Variants in TMEM207 observed in about 807,000 individuals in gnomAD.
The protein encoded by TMEM207 is transmembrane protein 207.
A neutral mutation model predicts 17.4 loss-of-function variants in TMEM207; 15 were observed. The observed-to-expected ratio is 0.86, with a 90% confidence interval of 0.58 to 1.33. TMEM207 has a LOEUF of 1.33. Ranked by LOEUF, TMEM207 falls within the 40% of genes most tolerant of loss-of-function variation. The probability of loss-of-function intolerance (pLI) is 0.00; values close to 1 mark genes in which losing one functional copy is unlikely to be tolerated. For missense variants in TMEM207, 205 were observed against 173.8 expected (o/e 1.18, Z -1.01); for synonymous variants, 70 against 65.6 (o/e 1.07, Z -0.33).
intron 2 of TMEM207, among the ~76,000 whole-genome samples, chr3:190,441,784 CTT>C (rs1035897694): frequency 2.6e-5 from 4 of 152,182 alleles, no homozygotes; most frequent in Admixed American, 1.3e-4. Context: ...AAGGCAGTGA[CTT>C]AACTCTTCAG....
rs1720081965 is a variant in TMEM207, at chr3:190,447,780, G to C, written c.113+10C>G. On this transcript the variant is annotated intron_variant, in intron 2 of 4. Coordinates refer to ENST00000354905, the MANE Select transcript of TMEM207 (RefSeq NM_207316.3). The stretch of plus-strand genomic sequence containing the variant: ...AAATAAAAACATGGAGTTTTTCGCT[G>C]TTTACTTACATTTCATCTTCTTCGC... 1 of 1,610,848 alleles carries C rather than the reference G, an allele frequency of 6.2e-7. No individual in the cohort carries two copies.
chr3:190,433,190 C>A (rs1719726589), intron 4 of TMEM207, among the ~76,000 whole-genome samples: 1 of 152,092 alleles, frequency 6.6e-6, no homozygotes, highest in African/African-American at 2.4e-5. Context: ...TCTATTTGTC[C>A]TTTTCTCACC....
chr3:190,441,591 C>T, intron 2 of TMEM207, 109 bp from the exon 3 acceptor site: 1 of 815,668 alleles, frequency 1.2e-6, no homozygotes, highest in Non-Finnish European at 2.0e-6. Context: ...GAACAGTCAC[C>T]TACATATTCC....
intron 4 of TMEM207, 44 bp from the exon 5 acceptor site, chr3:190,429,775 T>C: frequency 6.5e-7 from 1 of 1,540,924 alleles, no homozygotes; most frequent in Non-Finnish European, 8.7e-7. Context: ...CTAGTGAGCA[T>C]AAAACATAAG....
At chr3:190,441,919 T>G (rs1310125706) in intron 2 of TMEM207, among the ~76,000 whole-genome samples, 1 of 152,170 alleles carries the variant, frequency 6.6e-6, no homozygotes. Context: ...TGGTAGAGAA[T>G]AGGAGGCATT....
intron 4 of TMEM207, among the ~76,000 whole-genome samples, chr3:190,439,163 C>A (rs139909116): frequency 0.01 from 1,276 of 124,214 alleles, 8 homozygotes; most frequent in African/African-American, 0.038. Context: ...GGCGACAGAG[C>A]GAGACTCCGT....
rs1315626884 is a variant in TMEM207, at chr3:190,428,707, AGATCATATGTCATCTGTG to A, written c.*870_*887del. 1 of 152,170 alleles carries A rather than the reference AGATCATATGTCATCTGTG, an allele frequency of 6.6e-6. No homozygotes were observed. The highest frequency in any genetic ancestry group is 1.5e-5 in the Non-Finnish European group (1 of 68,024). 9.4% of individuals were successfully genotyped at this position (152,170 alleles called of 1,614,324 possible). A position where few individuals can be genotyped will look rare whatever the true frequency, so the allele number is the denominator to read the frequency against. The stretch of plus-strand genomic sequence containing the variant: ...TTTGTTCAACAAATTTGTCAGCTGA[AGATCATATGTCATCTGTG>A]ATGGATGTTTTTGTCTGTCCCCCTG... On this transcript the variant is annotated 3_prime_UTR_variant, in exon 5 of 5. Coordinates refer to ENST00000354905, the MANE Select transcript of TMEM207 (RefSeq NM_207316.3).
chr3:190,434,393 G>T (rs1719756717), intron 4 of TMEM207, among the ~76,000 whole-genome samples: 1 of 152,082 alleles, frequency 6.6e-6, no homozygotes. Context: ...TTTATCAGGG[G>T]TTTCCACTTT....
intron 4 of TMEM207, among the ~76,000 whole-genome samples, chr3:190,439,732 G>T (rs1719887524): frequency 1.3e-5 from 2 of 152,162 alleles, no homozygotes; most frequent in African/African-American, 4.8e-5. Flanking sequence ...AGGACGCTGA[G>T]ATGAAAGGGC....
intron 2 of TMEM207, chr3:190,444,345 A>G (rs1353075097): frequency 1.1e-6 from 1 of 912,620 alleles, no homozygotes; most frequent in Non-Finnish European, 1.3e-6. Context: ...TAGGTTTTCA[A>G]CCCAAATGCT....
At chr3:190,447,992 A>G (rs1720086895) in intron 1 of TMEM207, among the ~76,000 whole-genome samples, 165 bp from the exon 2 acceptor site, 1 of 152,174 alleles carries the variant, frequency 6.6e-6, no homozygotes, top group Non-Finnish European at 1.5e-5. Context: ...TTAATTGAAA[A>G]AATCTCTGGG....
intron 2 of TMEM207, among the ~76,000 whole-genome samples, chr3:190,445,140 T>C (rs1414259001): frequency 6.6e-6 from 1 of 152,248 alleles, no homozygotes. Context: ...GCTTTCCTAC[T>C]CTTGAGTAAG....
intron 4 of TMEM207, among the ~76,000 whole-genome samples, chr3:190,430,335 C>A (rs924126737): frequency 6.6e-6 from 1 of 151,918 alleles, no homozygotes; most frequent in Non-Finnish European, 1.5e-5. Flanking sequence ...TTAACTATTA[C>A]AAACTGGCCT....
At chr3:190,433,662 A>G (rs116745201) in intron 4 of TMEM207, among the ~76,000 whole-genome samples, 1,686 of 152,084 alleles carry the variant, frequency 0.011, 27 homozygotes, top group African/African-American at 0.039. Context: ...CTGTGGCTCA[A>G]TGTGTGTTTT....
At position 190,428,980 on chromosome 3, in the gene TMEM207, A is replaced by G. The variant is rs1719629388; in HGVS notation, c.*615T>C. The stretch of plus-strand genomic sequence containing the variant: ...TTATATGTGCTCTATATCTTCAGCA[A>G]TCTCCTTCACCTTCTATCTACAATT... On this transcript the variant is annotated 3_prime_UTR_variant, in exon 5 of 5. Transcript: ENST00000354905. The G allele has an allele frequency of 6.6e-6, 1 of 152,236 alleles. No homozygotes were observed. The highest frequency in any genetic ancestry group is 2.4e-5 in the African/African-American group (1 of 41,414). The allele number at this position is 152,236 out of a possible 1,614,324, so 9.4% of individuals were successfully genotyped here.
chr3:190,446,611 C>T (rs1371187231), intron 2 of TMEM207, among the ~76,000 whole-genome samples: 1 of 152,160 alleles, frequency 6.6e-6, no homozygotes, highest in East Asian at 1.9e-4. Context: ...GCCTAAGTAC[C>T]AGTTGAAGCC....
chr3:190,443,747 T>C (rs1338376372), intron 2 of TMEM207, among the ~76,000 whole-genome samples: 1 of 152,186 alleles, frequency 6.6e-6, no homozygotes, highest in African/African-American at 2.4e-5. Context: ...TTCTAATTAC[T>C]CAAATATTAC....
chr3:190,437,321 C>T (rs1719822529), intron 4 of TMEM207, among the ~76,000 whole-genome samples: 1 of 152,180 alleles, frequency 6.6e-6, no homozygotes, highest in South Asian at 2.1e-4. Context: ...GGTTCCCTAG[C>T]CCCAATTCTG....
At chr3:190,439,048 G>A (rs1454628259) in intron 4 of TMEM207, among the ~76,000 whole-genome samples, 4 of 151,608 alleles carry the variant, frequency 2.6e-5, no homozygotes, top group African/African-American at 7.3e-5. Context: ...GTGGTGGCGG[G>A]CGCCTGTAGT....
Sources: allele counts gnomAD v4.1 joint callset (sites outside exome capture counted in the v4.1 genomes callset), GRCh38; gene constraint gnomAD v4.1.1; transcripts MANE v1.5; gene names NCBI Gene and HGNC (gene_info 2026-07-23, HGNC 2026-07-21).